Variants in VRK3 observed in about 807,000 individuals in gnomAD.
VRK3 encodes the protein serine/threonine-protein kinase VRK3.
A neutral mutation model predicts 60.4 loss-of-function variants in VRK3; 50 were observed. That is an observed-to-expected ratio of 0.83 (90% CI 0.66 to 1.05). The LOEUF (loss-of-function observed/expected upper bound fraction) is 1.05. Among genes scored for constraint, VRK3 ranks in the 50% least tolerant of loss-of-function variants. The pLI, the probability that VRK3 is intolerant of heterozygous loss-of-function variation, is 0.00. For missense variants in VRK3, 549 were observed against 585.3 expected (o/e 0.94, Z 0.64); for synonymous variants, 246 against 227.8 (o/e 1.08, Z -0.72).
intron 13 of VRK3, 95 bp from the exon 14 acceptor site, chr19:49,979,337 A>G: frequency 6.4e-7 from 1 of 1,558,052 alleles, no homozygotes; most frequent in Non-Finnish European, 8.8e-7. Context: ...GGGGTGGGGG[A>G]CTGAGGGGCA....
intron 5 of VRK3, among the ~76,000 whole-genome samples, chr19:50,006,367 G>A (rs2076891837): frequency 6.6e-6 from 1 of 150,420 alleles, no homozygotes; most frequent in African/African-American, 2.5e-5. Context: ...GTTTGACATG[G>A]AGTCTCACTG....
chr19:50,000,886 T>A, intron 5 of VRK3, 32 bp from the exon 6 acceptor site: 1 of 1,603,920 alleles, frequency 6.2e-7, no homozygotes, highest in Non-Finnish European at 8.5e-7. Flanking sequence ...AGTGAGGTTA[T>A]AACCACGCGG....
At chr19:49,984,943 C>T (rs1477745049) in intron 12 of VRK3, among the ~76,000 whole-genome samples, 3 of 152,196 alleles carry the variant, frequency 2.0e-5, no homozygotes, top group Non-Finnish European at 4.4e-5. Flanking sequence ...TCCTTGGGCA[C>T]CCACAATGTG....
In VRK3 at chr19:50,010,112, CACAT is replaced by C. The variant is rs552728279; in HGVS notation, c.140-731_140-728del. 9.2e-5 allele frequency among the ~76,000 whole-genome samples: 14 copies of C among 152,094 alleles called. No homozygotes were observed. The South Asian group carries it at 2.1e-3, about 23-fold the overall frequency. ...CAATGATTGTGTGTATATATATACACACATACACATATATACATATATAGACACA... is the reference window on the plus strand; with the variant it reads ...CAATGATTGTGTGTATATATATACACACACATATATACATATATAGACACA... On this transcript the variant is annotated intron_variant, in intron 3 of 14. Transcript: ENST00000316763.
chr19:50,002,057 C>A (rs2076816126), intron 5 of VRK3, among the ~76,000 whole-genome samples: 1 of 152,170 alleles, frequency 6.6e-6, no homozygotes, highest in South Asian at 2.1e-4. Context: ...GGCTCCCCAG[C>A]CGGGGAGTGG....
intron 10 of VRK3, among the ~76,000 whole-genome samples, chr19:49,990,596 C>T (rs3786672): frequency 0.13 from 19,269 of 151,884 alleles, 1,391 homozygotes; most frequent in East Asian, 0.33. Flanking sequence ...TGGTCTTGAA[C>T]CCCTGGGTTC....
chr19:50,016,380 C>T (rs188994688), intron 2 of VRK3, among the ~76,000 whole-genome samples: 1 of 152,314 alleles, frequency 6.6e-6, no homozygotes, highest in Admixed American at 6.5e-5. Flanking sequence ...TCCCAGGTTC[C>T]CTTGCAGCAA....
intron 10 of VRK3, among the ~76,000 whole-genome samples, chr19:49,992,537 A>G (rs2076628839): frequency 6.6e-6 from 1 of 152,262 alleles, no homozygotes; most frequent in Non-Finnish European, 1.5e-5. Context: ...ATCAGCAATG[A>G]ATATTATTAT....
intron 11 of VRK3, among the ~76,000 whole-genome samples, chr19:49,989,255 C>T (rs1010131743): frequency 1.3e-5 from 2 of 152,178 alleles, no homozygotes; most frequent in Admixed American, 1.3e-4. Context: ...CCCAGGGCTT[C>T]GGCTGATAAC....
intron 1 of VRK3, among the ~76,000 whole-genome samples, chr19:50,024,023 G>A (rs966752191): frequency 2.6e-5 from 4 of 152,170 alleles, no homozygotes; most frequent in African/African-American, 4.8e-5. Flanking sequence ...TGCAACCTCC[G>A]CTTCCTGGGT....
At chr19:50,015,814 G>A (rs1481267390) in intron 3 of VRK3, 1 of 624,968 alleles carries the variant, frequency 1.6e-6, no homozygotes, top group South Asian at 2.3e-5. Flanking sequence ...AAATGAAGGA[G>A]ATGTTAACAT....
chr19:50,022,879 A>G (rs922480735), intron 1 of VRK3, among the ~76,000 whole-genome samples: 4 of 152,200 alleles, frequency 2.6e-5, no homozygotes, highest in Admixed American at 2.6e-4. Flanking sequence ...CATTTTAGAC[A>G]GAATAAATGC....
rs527880342 is a variant in VRK3, at chr19:50,013,981, G to T, written c.139+2043C>A. 2.0e-5 allele frequency among the ~76,000 whole-genome samples: 3 copies of T among 152,188 alleles called. No individual in the cohort carries two copies. In the South Asian group the frequency reaches 6.2e-4, roughly 32 times the overall value. On this transcript the variant is annotated intron_variant, in intron 3 of 14. Coordinates refer to ENST00000316763, the MANE Select transcript of VRK3 (RefSeq NM_016440.4). ...GTAACAATTGAATAAATATCTGAAG[G>T]CATGGCTGGGCGCAGTGGCTCATGA...
intron 7 of VRK3, among the ~76,000 whole-genome samples, chr19:49,996,638 A>G (rs2076709197): frequency 6.6e-6 from 1 of 152,152 alleles, no homozygotes; most frequent in Non-Finnish European, 1.5e-5. Flanking sequence ...ATTTTTTGAG[A>G]CTAAGTCTCA....
At chr19:50,023,488 C>T (rs1033036433) in intron 1 of VRK3, among the ~76,000 whole-genome samples, 1 of 152,160 alleles carries the variant, frequency 6.6e-6, no homozygotes, top group Non-Finnish European at 1.5e-5. Context: ...GCCCTGGACA[C>T]CATTTTACTA....
chr19:49,993,096 G>A (rs548296809), intron 9 of VRK3, 144 bp from the exon 10 acceptor site: 2 of 648,540 alleles, frequency 3.1e-6, no homozygotes, highest in African/African-American at 3.6e-5. Context: ...TAAATCCGGG[G>A]TAGCATGAGG....
chr19:50,001,714 C>T (rs2076810209), intron 5 of VRK3, among the ~76,000 whole-genome samples: 1 of 152,164 alleles, frequency 6.6e-6, no homozygotes, highest in Non-Finnish European at 1.5e-5. Context: ...CATGCATGGT[C>T]CCATCTGACA....
chr19:49,983,282 C>A (rs151290843), intron 12 of VRK3, among the ~76,000 whole-genome samples: 1 of 152,208 alleles, frequency 6.6e-6, no homozygotes, highest in Non-Finnish European at 1.5e-5. Context: ...CTGCACATAT[C>A]GCTCTCGCTG....
intron 4 of VRK3, 139 bp downstream of exon 4, chr19:50,009,097 G>A (rs2122466054): frequency 2.9e-6 from 3 of 1,026,574 alleles, no homozygotes; most frequent in Non-Finnish European, 4.3e-6. Context: ...ATGGGAGGCT[G>A]GGGAAGCTGC....
Sources: gnomAD v4.1 joint callset for allele counts (sites outside exome capture counted in the v4.1 genomes callset) on GRCh38, gnomAD v4.1.1 for gene constraint, MANE v1.5 for transcripts, NCBI Gene and HGNC (gene_info 2026-07-23, HGNC 2026-07-21) for gene names.